The following EXOC6 variants were observed in gnomAD, a reference collection of about 807,000 sequenced individuals.
The protein encoded by EXOC6 is SEC15-like 1.
EXOC6 carries 60 observed loss-of-function variants against 112.5 expected under a neutral mutation model. The observed-to-expected ratio is 0.53, with a 90% CI of 0.43 to 0.66. EXOC6 has a LOEUF of 0.66. Ranked by LOEUF, EXOC6 falls within the 30% of genes least tolerant of loss-of-function variation. The pLI, the probability that EXOC6 is intolerant of heterozygous loss-of-function variation, is 0.00. For synonymous variants in EXOC6, 295 were observed against 308.0 expected (o/e 0.96, Z 0.44); for missense variants, 855 against 957.1 (o/e 0.89, Z 1.41).
chr10:93,000,028 T>G (rs962321335), intron 19 of EXOC6, among the ~76,000 whole-genome samples: 1 of 152,150 alleles, frequency 6.6e-6, no homozygotes, highest in East Asian at 1.9e-4. Context: ...TAAGTTAAGC[T>G]TTATCATAGG....
At chr10:92,918,756 G>A (rs142567054) in intron 7 of EXOC6, among the ~76,000 whole-genome samples, 75 of 152,186 alleles carry the variant, frequency 4.9e-4, no homozygotes, top group South Asian at 2.1e-4. Context: ...ATCTGAGGAT[G>A]AGGTGATACA....
At chr10:92,959,531 A>C (rs1203415934) in intron 17 of EXOC6, among the ~76,000 whole-genome samples, 1 of 152,192 alleles carries the variant, frequency 6.6e-6, no homozygotes, top group Non-Finnish European at 1.5e-5. Flanking sequence ...AAAATTTTAG[A>C]CTTCTGTTCT....
At chr10:92,830,532 C>A (rs1031049792), upstream of EXOC6, among the ~76,000 whole-genome samples, 28 of 152,082 alleles carry the variant, frequency 1.8e-4, no homozygotes, top group Non-Finnish European at 2.5e-4. Context: ...TCAGCCTGGG[C>A]ACTACTGGCA....
intron 9 of EXOC6, among the ~76,000 whole-genome samples, chr10:92,929,628 GGAACA>G (rs1433509134): frequency 3.3e-5 from 5 of 152,054 alleles, no homozygotes; most frequent in African/African-American, 1.2e-4. Context: ...ATATAAATAG[GGAACA>G]GAAACTATAA....
chr10:93,025,466 G>T (rs835262), intron 20 of EXOC6, among the ~76,000 whole-genome samples: 6,416 of 152,192 alleles, frequency 0.042, 311 homozygotes, highest in African/African-American at 0.12. Flanking sequence ...GTGTAGCTTT[G>T]CAGAGGAATA....
At chr10:93,001,191 A>C (rs1237226807) in intron 19 of EXOC6, among the ~76,000 whole-genome samples, 1 of 152,152 alleles carries the variant, frequency 6.6e-6, no homozygotes, top group Non-Finnish European at 1.5e-5. Context: ...AATCAACTGG[A>C]ATATGAAGAA....
intron 5 of EXOC6, among the ~76,000 whole-genome samples, chr10:92,907,131 T>C (rs543300831): frequency 6.6e-6 from 1 of 152,314 alleles, no homozygotes; most frequent in South Asian, 2.1e-4. Flanking sequence ...ATCATGTATT[T>C]TACTACTTTT....
chr10:92,910,663 G>A (rs1306673575), intron 6 of EXOC6, among the ~76,000 whole-genome samples: 1 of 152,126 alleles, frequency 6.6e-6, no homozygotes, highest in African/African-American at 2.4e-5. Context: ...GGGCGGGGTG[G>A]CTCACACCTG....
At chr10:93,026,860 T>A (rs1341667639) in intron 20 of EXOC6, among the ~76,000 whole-genome samples, 1 of 152,164 alleles carries the variant, frequency 6.6e-6, no homozygotes, top group Non-Finnish European at 1.5e-5. Flanking sequence ...GAAATTAGGC[T>A]AATTAATAAT....
chr10:92,955,601 A>G lies in EXOC6; in HGVS notation c.1660A>G (p.Thr554Ala), dbSNP rs1002483422. 6 of 1,611,436 alleles carry G rather than the reference A, an allele frequency of 3.7e-6. No individual in the cohort carries two copies. The highest frequency in any genetic ancestry group is 5.1e-6 in the Non-Finnish European group (6 of 1,178,628). ...CTAGCTGGTACAAATCATCATAAAC[A>G]CAACACACCTGGAGCAAGCTTGTAA... ...LTELVQIIIN[T>A]THLEQACKYL... is the part of the protein sequence containing the mutation. The change falls in exon 17 of 22, where the codon ACA (threonine) becomes GCA (alanine). Residue 554 changes from threonine (T) to alanine (A), a missense_variant. Thr to Ala is a moderately conservative substitution (Grantham distance 58). Coordinates refer to ENST00000260762, the MANE Select transcript of EXOC6 (RefSeq NM_019053.6).
intron 7 of EXOC6, among the ~76,000 whole-genome samples, chr10:92,918,822 A>C (rs1851267383): frequency 6.6e-6 from 1 of 152,160 alleles, no homozygotes; most frequent in Non-Finnish European, 1.5e-5. Flanking sequence ...ATTTGTGTGA[A>C]TATGTATGCA....
In EXOC6 at chr10:92,828,998, C is replaced by T. The variant is rs150925576; in HGVS notation, c.-27+2054C>T. Among the ~76,000 whole-genome samples, 125 of 152,184 alleles carry T rather than the reference C, an allele frequency of 8.2e-4. 2 individuals carry two copies. Among genetic ancestry groups the T allele is most frequent in the African/African-American group, 3.0e-3 (124 of 41,488 alleles). On this transcript the variant is annotated intron_variant, in intron 1 of 22. Transcript: ENST00000671701. ...ATTTTCTTTTCTAACAAAGAGGAGC[C>T]TGTAAAATCGAGTTACAGATGTAGA...
At chr10:92,903,954 C>T (rs965790608) in intron 5 of EXOC6, among the ~76,000 whole-genome samples, 2 of 152,018 alleles carry the variant, frequency 1.3e-5, no homozygotes, top group African/African-American at 4.8e-5. Flanking sequence ...CCCTATCTTT[C>T]CCCATCCTTC....
chr10:92,942,909 C>T (rs1366158407), intron 13 of EXOC6, among the ~76,000 whole-genome samples: 1 of 152,146 alleles, frequency 6.6e-6, no homozygotes, highest in Non-Finnish European at 1.5e-5. Context: ...TTAATTTTAT[C>T]CTCCAAAGTA....
At chr10:92,977,726 G>C (rs1842685737) in intron 18 of EXOC6, among the ~76,000 whole-genome samples, 1 of 152,022 alleles carries the variant, frequency 6.6e-6, no homozygotes, top group Non-Finnish European at 1.5e-5. Context: ...TTTAATATCT[G>C]TGTCATGTAT....
At chr10:92,873,601 T>C (rs1029827525) in intron 1 of EXOC6, among the ~76,000 whole-genome samples, 1 of 152,144 alleles carries the variant, frequency 6.6e-6, no homozygotes, top group Admixed American at 6.5e-5. Flanking sequence ...TTTGACAGAA[T>C]CTCTTCAAAT....
intron 1 of EXOC6, among the ~76,000 whole-genome samples, chr10:92,827,352 T>C (rs2497324): frequency 0.21 from 32,065 of 150,924 alleles, 4,621 homozygotes; most frequent in Non-Finnish European, 0.31. Context: ...CATATTCCTG[T>C]GGTTTCAGCT....
intron 1 of EXOC6, among the ~76,000 whole-genome samples, chr10:92,885,233 T>C (rs1295467075): frequency 6.6e-6 from 1 of 152,194 alleles, no homozygotes; most frequent in East Asian, 1.9e-4. Flanking sequence ...AGAAAATGTG[T>C]TTGATACTTA....
intron 1 of EXOC6, among the ~76,000 whole-genome samples, chr10:92,881,681 A>T (rs921614152): frequency 6.6e-6 from 1 of 152,114 alleles, no homozygotes; most frequent in Admixed American, 6.5e-5. Flanking sequence ...TATCAGCGAT[A>T]TGGTTTGGCT....
Sources: allele counts gnomAD v4.1 joint callset (sites outside exome capture counted in the v4.1 genomes callset), GRCh38; gene constraint gnomAD v4.1.1; transcripts MANE v1.5; gene names NCBI Gene and HGNC (gene_info 2026-07-23, HGNC 2026-07-21).